RBM5: variants seen among roughly 807,000 people sequenced by gnomAD.
RBM5 encodes RNA-binding protein 5.
A neutral mutation model predicts 124.6 loss-of-function variants in RBM5; 15 were observed. The ratio of observed to expected loss-of-function variants is 0.12; its 90% CI spans 0.08 to 0.19. The LOEUF (loss-of-function observed/expected upper bound fraction) is 0.19. RBM5 is among the 10% of genes least tolerant of loss of function. The pLI, the probability that RBM5 is intolerant of heterozygous loss-of-function variation, is 1.00. For synonymous variants in RBM5, 337 were observed against 361.2 expected (o/e 0.93, Z 0.76); for missense variants, 580 against 1,026.5 (o/e 0.57, Z 5.94).
chr3:50,096,448 A>T (rs980869039), intron 4 of RBM5, among the ~76,000 whole-genome samples: 7 of 152,008 alleles, frequency 4.6e-5, no homozygotes, highest in Non-Finnish European at 1.0e-4. Context: ...TGTTCACGCC[A>T]CTGCACTCCA....
Position 50,100,534 on chromosome 3 carries a change from G to C in RBM5, c.412G>C (p.Val138Leu). The C allele has an allele frequency of 6.2e-7, 1 of 1,609,644 alleles. No homozygotes were observed. The highest frequency in any genetic ancestry group is 8.5e-7 in the Non-Finnish European group (1 of 1,175,970). Residue 138 changes from valine (V) to leucine (L), a missense_variant and splice_region_variant, in exon 6 of 25, where the codon GTA becomes CTA. Transcript: ENST00000347869. The surrounding 1 kb of genome is among the most constrained non-coding windows in gnomAD (Gnocchi z 5.1). ...CTATATCTGAATGCTGTCTCTAGGT[G>C]TAAGCCGTGGTTTCGCCTTCGTGGA... ...DVRLMKRKTGVSRGFAFVEFY... is the reference protein window; with the variant it reads ...DVRLMKRKTGLSRGFAFVEFY...
chr3:50,109,420 C>T (rs1400437312), intron 14 of RBM5, among the ~76,000 whole-genome samples, 183 bp from the exon 15 acceptor site: 1 of 152,164 alleles, frequency 6.6e-6, no homozygotes, highest in Non-Finnish European at 1.5e-5. Flanking sequence ...CTTTGTATAT[C>T]ACATCTAGTA....
At chr3:50,101,001 C>T (rs1575314085) in intron 6 of RBM5, 1 of 158,470 alleles carries the variant, frequency 6.3e-6, no homozygotes, top group Non-Finnish European at 1.4e-5. Flanking sequence ...ATAAGTAATT[C>T]CTTATTTCTG....
At chr3:50,098,727 C>T (rs977867925) in intron 4 of RBM5, among the ~76,000 whole-genome samples, 1 of 152,080 alleles carries the variant, frequency 6.6e-6, no homozygotes, top group Non-Finnish European at 1.5e-5. Context: ...CAGGCGTGAG[C>T]CACTATGCGA....
At position 50,105,161 on chromosome 3, in the gene RBM5, T is replaced by G; in HGVS notation, c.694+19T>G. On this transcript the variant is annotated intron_variant, in intron 9 of 24. Coordinates refer to ENST00000347869, the MANE Select transcript of RBM5 (RefSeq NM_005778.4). Reference sequence around the variant, plus strand: ...TGTGATAGTAAGTTCATACACGATCTTTTGGTCTTCATGTTAAAAATTGAC... The same window carrying G: ...TGTGATAGTAAGTTCATACACGATCGTTTGGTCTTCATGTTAAAAATTGAC... The G allele has an allele frequency of 3.9e-6, 6 of 1,550,838 alleles. No homozygotes were observed. Among genetic ancestry groups the G allele is most frequent in the Non-Finnish European group, 5.3e-6 (6 of 1,124,142 alleles).
At position 50,114,054 on chromosome 3, in the gene RBM5, A is replaced by T; in HGVS notation, c.1722A>T (p.Arg574Ser). 1 of 1,614,254 alleles carries T rather than the reference A, an allele frequency of 6.2e-7. No individual in the cohort carries two copies. Among genetic ancestry groups the T allele is most frequent in the South Asian group, 1.1e-5 (1 of 91,086 alleles). ...ATTCCTTGAGGGAAGAAGAAAGGAG[A>T]GAATCTGCTGCAGCAGACGCTGGCT... ...PVNSLREEER[R>S]ESAAADAGFA... The change falls in exon 19 of 25, where the codon AGA (arginine) becomes AGT (serine). Residue 574 changes from arginine (R) to serine (S), a missense_variant. Arg to Ser is a moderately radical substitution (Grantham distance 110, BLOSUM62 -1). Transcript: ENST00000347869.
chr3:50,091,836 A>G (rs1408723464), intron 2 of RBM5, among the ~76,000 whole-genome samples: 2 of 152,238 alleles, frequency 1.3e-5, no homozygotes, highest in African/African-American at 4.8e-5. Context: ...TTTAGCATAC[A>G]TTCCTGAGAA....
At position 50,100,803 on chromosome 3, in the gene RBM5, A is replaced by T. The variant is rs1038326976; in HGVS notation, c.483+198A>T. On this transcript the variant is annotated intron_variant, in intron 6 of 24. Coordinates refer to ENST00000347869, the MANE Select transcript of RBM5 (RefSeq NM_005778.4). This position sits in a 1 kb window ranked among gnomAD's most constrained non-coding sequence, Gnocchi z 5.1. ...TATAGAATTTGTTCTGCCTTTAAAC[A>T]TGGCTACCTACCTGGCAGGGCTTTG... 1 of 454,978 alleles carries T rather than the reference A, an allele frequency of 2.2e-6. No individual in the cohort carries two copies. 28.2% of individuals were successfully genotyped at this position (454,978 alleles called of 1,614,324 possible). A position where few individuals can be genotyped will look rare whatever the true frequency, so the allele number is the denominator to read the frequency against.
intron 20 of RBM5, 197 bp downstream of exon 20, chr3:50,114,448 G>T: frequency 1.8e-6 from 1 of 541,860 alleles, no homozygotes; most frequent in Non-Finnish European, 3.2e-6. Flanking sequence ...ATGGAGTGAT[G>T]AAAGAAGCTT....
chr3:50,105,021 TCTTTGG>T, intron 8 of RBM5, 50 bp from the exon 9 acceptor site: 3 of 1,287,970 alleles, frequency 2.3e-6, no homozygotes, highest in South Asian at 1.3e-5. Context: ...TTAATGTATT[TCTTTGG>T]TGAAAATACA....
At chr3:50,110,916 A>G in intron 17 of RBM5, 146 bp downstream of exon 17, 1 of 645,280 alleles carries the variant, frequency 1.5e-6, no homozygotes, top group African/African-American at 1.8e-5. Flanking sequence ...TGTAATTTTT[A>G]TATGGAGATT....
chr3:50,111,209 G>T (rs1402267451), intron 17 of RBM5, among the ~76,000 whole-genome samples: 1 of 152,140 alleles, frequency 6.6e-6, no homozygotes, highest in African/African-American at 2.4e-5. Context: ...ATTTTAAATT[G>T]TACTTTTCTC....
chr3:50,092,291 G>T, intron 3 of RBM5, 83 bp downstream of exon 3: 1 of 1,444,176 alleles, frequency 6.9e-7, no homozygotes, highest in Non-Finnish European at 9.3e-7. Context: ...GCCAGGTCCA[G>T]TGGCCCCTTC....
chr3:50,089,251 G>C (rs2090656068), intron 1 of RBM5, among the ~76,000 whole-genome samples: 1 of 152,194 alleles, frequency 6.6e-6, no homozygotes, highest in South Asian at 2.1e-4. Flanking sequence ...CTTCTTTCTG[G>C]CTGTGACTTT....
At chr3:50,111,043 A>T (rs908929678) in intron 17 of RBM5, among the ~76,000 whole-genome samples, 1 of 152,364 alleles carries the variant, frequency 6.6e-6, no homozygotes, top group South Asian at 2.1e-4. Context: ...ACATTTGTAT[A>T]TTACATGTGT....
chr3:50,093,132 C>G (rs2090737972), intron 3 of RBM5: 1 of 141,538 alleles, frequency 7.1e-6, no homozygotes, highest in Non-Finnish European at 1.5e-5. Flanking sequence ...GAGGGAGACT[C>G]TGTCTCAAAA....
intron 17 of RBM5, among the ~76,000 whole-genome samples, chr3:50,112,414 T>TAAAAAAAAAAAAAAA (rs58011975): frequency 3.4e-5 from 3 of 88,226 alleles, no homozygotes; most frequent in African/African-American, 1.5e-4. Context: ...AGACTCTGTC[T>TAAAAAAAAAAAAAAA]AAAAAAAAAA....
intron 4 of RBM5, among the ~76,000 whole-genome samples, chr3:50,098,467 C>T (rs1201768024): frequency 6.6e-6 from 1 of 151,300 alleles, no homozygotes; most frequent in African/African-American, 2.4e-5. Flanking sequence ...TTTTTTGAGA[C>T]GGAGTCTCAC....
At chr3:50,090,602 C>T (rs1457218625) in intron 2 of RBM5, 151 bp downstream of exon 2, 2 of 869,480 alleles carry the variant, frequency 2.3e-6, no homozygotes, top group Admixed American at 2.3e-5. Flanking sequence ...AAACTACAGT[C>T]TAGTGAGAGA....
Sources: gnomAD v4.1 joint callset for allele counts (sites outside exome capture counted in the v4.1 genomes callset) on GRCh38, gnomAD v4.1.1 for gene constraint, Gnocchi (gnomAD v3.1) non-coding constraint, MANE v1.5 for transcripts, NCBI Gene and HGNC (gene_info 2026-07-23, HGNC 2026-07-21) for gene names.